The following EML6 variants were observed in gnomAD, a reference collection of about 807,000 sequenced individuals.
EML6 encodes the protein EMAP like 6.
EML6 carries 154 observed loss-of-function variants against 240.1 expected under a neutral mutation model. The observed-to-expected ratio is 0.64, with a 90% CI of 0.56 to 0.73. EML6 has a LOEUF of 0.73. Ranked by LOEUF, EML6 falls within the 30% of genes least tolerant of loss-of-function variation. The pLI, the probability that EML6 is intolerant of heterozygous loss-of-function variation, is 0.00. For synonymous variants in EML6, 1,148 were observed against 899.0 expected, an observed-to-expected ratio of 1.28 and a Z score of -4.95; for missense variants, 2,964 against 2,474.6, an observed-to-expected ratio of 1.20 and a Z score of -4.20.
chr2:54,790,427 A>G (rs1669370396), intron 2 of EML6, among the ~76,000 whole-genome samples: 1 of 152,210 alleles, frequency 6.6e-6, no homozygotes, highest in Non-Finnish European at 1.5e-5. Context: ...TCTGAATTGC[A>G]GAGTAAGTTT....
chr2:54,819,845 T>C (rs1405397889), intron 4 of EML6, among the ~76,000 whole-genome samples: 1 of 149,648 alleles, frequency 6.7e-6, no homozygotes, highest in African/African-American at 2.5e-5. Flanking sequence ...GAAAATACAA[T>C]AGTATGTTGG....
At chr2:54,930,474 C>T (rs187169810) in intron 28 of EML6, among the ~76,000 whole-genome samples, 1 of 151,994 alleles carries the variant, frequency 6.6e-6, no homozygotes, top group East Asian at 1.9e-4. Context: ...CAAGCTATAC[C>T]CCATCAGATA....
rs774245505 is a variant in EML6, at chr2:54,849,994, G to A, written c.1220G>A (p.Arg407Gln). The A allele has an allele frequency of 8.4e-6, 13 of 1,551,384 alleles. No individual in the cohort carries two copies. The highest frequency in any genetic ancestry group is 2.4e-5 in the South Asian group (2 of 84,048). Residue 407 changes from arginine (R) to glutamine (Q), a missense_variant, in exon 10 of 42, where the codon CGA becomes CAA. Coordinates refer to ENST00000356458, the MANE Select transcript of EML6 (RefSeq NM_001039753.4). ...ACAGAAGTAGTTCACATCAAAGATC[G>A]AAAAGAAGTCATTCATGAAATGAAA... is the stretch of plus-strand genomic sequence containing the variant. ...DMTEVVHIKD[R>Q]KEVIHEMKFS...
chr2:54,846,539 A>G (rs1417883638), intron 8 of EML6, among the ~76,000 whole-genome samples: 1 of 147,238 alleles, frequency 6.8e-6, no homozygotes, highest in Non-Finnish European at 1.5e-5. Context: ...GCTGGAGTGT[A>G]GTAGTATGAA....
chr2:54,789,543 A>AAAAG (rs1669308248), intron 2 of EML6, among the ~76,000 whole-genome samples: 1 of 145,658 alleles, frequency 6.9e-6, no homozygotes, highest in Admixed American at 6.9e-5. Context: ...AAAAAAAAAA[A>AAAAG]AAAAAGAAAA....
chr2:54,847,634 A>G lies in EML6; in HGVS notation c.1187+11A>G. 6.4e-7 allele frequency: 1 copy of G among 1,551,512 alleles called. No individual in the cohort carries two copies. Among genetic ancestry groups the G allele is most frequent in the Non-Finnish European group, 8.7e-7 (1 of 1,146,552 alleles). On this transcript the variant is annotated intron_variant, in intron 9 of 41. Transcript: ENST00000356458. ...TGTTCTCCGAGTCAGGCACGTACTG[A>G]TGTTGAAAATGGTATTTAGAAATGC...
At chr2:54,958,154 C>G (rs941990621) in intron 33 of EML6, among the ~76,000 whole-genome samples, 156 bp downstream of exon 33, 44 of 152,244 alleles carry the variant, frequency 2.9e-4, no homozygotes, top group Admixed American at 1.6e-3. Flanking sequence ...ACCACTGTTC[C>G]TTTTCTGTAG....
intron 26 of EML6, among the ~76,000 whole-genome samples, chr2:54,921,919 A>G (rs909188598): frequency 6.6e-6 from 1 of 152,174 alleles, no homozygotes; most frequent in Non-Finnish European, 1.5e-5. Context: ...ATTTAAAAAA[A>G]TTAACCCAAA....
In EML6 at chr2:54,725,172, C is replaced by G. The variant is rs1160421130; in HGVS notation, c.111C>G (p.Val37=). 6.5e-6 allele frequency: 10 copies of G among 1,531,700 alleles called. No individual in the cohort carries two copies. The Admixed American group carries it at 1.4e-4, about 22-fold the overall frequency. The allele number at this position is 1,531,700 out of a possible 1,614,324, so 94.9% of individuals were successfully genotyped here. The change falls in exon 2 of 42, where the codon GTC becomes GTG. Residue 37 remains valine, a synonymous_variant. Transcript: ENST00000356458. This position sits in a 1 kb window ranked among gnomAD's most constrained non-coding sequence, Gnocchi z 4.3. The stretch of plus-strand genomic sequence containing the variant: ...ACTACACGGCAGGCAAGGAGGTGGT[C>G]TACTTTGTGGCTGGGGTCGGGGTGG... ...NLYYTAGKEV[V]YFVAGVGVVY... is the part of the protein sequence containing the mutation.
At chr2:54,864,881 T>G (rs1038610877) in intron 13 of EML6, among the ~76,000 whole-genome samples, 4 of 152,180 alleles carry the variant, frequency 2.6e-5, no homozygotes, top group Non-Finnish European at 5.9e-5. Flanking sequence ...TTTGAAAAAT[T>G]GTGTTCGTAC....
At position 54,959,007 on chromosome 2, in the gene EML6, G is replaced by C. The variant is rs910898597; in HGVS notation, c.4696-97G>C. 24 of 1,165,996 alleles carry C rather than the reference G, an allele frequency of 2.1e-5. No homozygotes were observed. The African/African-American group carries it at 3.5e-4, about 17-fold the overall frequency. The allele number at this position is 1,165,996 out of a possible 1,614,324, so 72.2% of individuals were successfully genotyped here. On this transcript the variant is annotated intron_variant, in intron 33 of 41. Coordinates refer to ENST00000356458, the MANE Select transcript of EML6 (RefSeq NM_001039753.4). ...AGAGATCAAACTGCCTAGGCTGTCT[G>C]CATCTCTAGCTCTGGTTCCTTAATG...
intron 21 of EML6, among the ~76,000 whole-genome samples, chr2:54,898,521 C>G (rs1672890564): frequency 6.6e-6 from 1 of 152,114 alleles, no homozygotes; most frequent in South Asian, 2.1e-4. Context: ...CCAATAAATT[C>G]AAAAACAATG....
chr2:54,775,875 T>A (rs1271397454), intron 2 of EML6, among the ~76,000 whole-genome samples: 2 of 152,230 alleles, frequency 1.3e-5, no homozygotes, highest in East Asian at 3.8e-4. Flanking sequence ...ATTATTGTTG[T>A]AAATACCCAT....
chr2:54,767,367 C>T (rs1461980125), intron 2 of EML6, among the ~76,000 whole-genome samples: 1 of 151,916 alleles, frequency 6.6e-6, no homozygotes, highest in Non-Finnish European at 1.5e-5. Flanking sequence ...GTAGAATCTA[C>T]TAGATAAAAA....
chr2:54,926,099 A>G lies in EML6; in HGVS notation c.3676-2214A>G, dbSNP rs550673070. 5.3e-5 allele frequency among the ~76,000 whole-genome samples: 8 copies of G among 152,284 alleles called. No individual in the cohort carries two copies. In the South Asian group the frequency reaches 1.7e-3, roughly 32 times the overall value. On this transcript the variant is annotated intron_variant, in intron 26 of 41. Coordinates refer to ENST00000356458, the MANE Select transcript of EML6 (RefSeq NM_001039753.4). ...GATTGACAACCACTACTCTGGAGAC[A>G]TATTCCAGATTTTTTTTGTTTTAAG... is the stretch of plus-strand genomic sequence containing the variant.
intron 28 of EML6, among the ~76,000 whole-genome samples, chr2:54,945,425 C>T (rs1228155137): frequency 1.3e-5 from 2 of 151,886 alleles, no homozygotes; most frequent in African/African-American, 2.4e-5. Context: ...CTGATGAACA[C>T]GACTCAAAAC....
intron 16 of EML6, among the ~76,000 whole-genome samples, chr2:54,874,005 G>A (rs1671384428): frequency 6.6e-6 from 1 of 152,108 alleles, no homozygotes; most frequent in Admixed American, 6.5e-5. Context: ...TATAAATAAA[G>A]TGGCAAGAAA....
chr2:54,950,131 A>G (rs1319224812), intron 29 of EML6, among the ~76,000 whole-genome samples: 1 of 144,448 alleles, frequency 6.9e-6, no homozygotes, highest in African/African-American at 2.9e-5. Context: ...ATAAACCTCA[A>G]CAGTATCTAG....
Position 54,784,138 on chromosome 2 carries a change from A to T in EML6, c.198-29094A>T, listed in dbSNP as rs143540384. Among the ~76,000 whole-genome samples the T allele has an allele frequency of 5.0e-3, 759 of 151,812 alleles. 5 individuals are homozygous for T. The highest frequency in any genetic ancestry group is 0.017 in the African/African-American group (710 of 41,396). On this transcript the variant is annotated intron_variant, in intron 2 of 41. Coordinates refer to ENST00000356458, the MANE Select transcript of EML6 (RefSeq NM_001039753.4). ...ATTTATTTTTTTTGTAGAGATGGGGATCTTGCTATGTTGCCCAGGCTGGTC... is the reference window on the plus strand; with the variant it reads ...ATTTATTTTTTTTGTAGAGATGGGGTTCTTGCTATGTTGCCCAGGCTGGTC...
Sources: gnomAD v4.1 joint callset for allele counts (sites outside exome capture counted in the v4.1 genomes callset) on GRCh38, gnomAD v4.1.1 for gene constraint, Gnocchi (gnomAD v3.1) non-coding constraint, MANE v1.5 for transcripts, NCBI Gene and HGNC (gene_info 2026-07-23, HGNC 2026-07-21) for gene names.